Variants in ARB2A observed in about 807,000 individuals in gnomAD.
ARB2A encodes the protein ARB2 cotranscriptional regulator A, also known as cotranscriptional regulator ARB2A.
At chr5:93,977,828 C>A in the ARB2A span, among the ~76,000 whole-genome samples, 2 of 152,100 alleles carry the variant, frequency 1.3e-5, no homozygotes, top group Non-Finnish European at 2.9e-5. Context: ...AGTTAACTGA[C>A]AATCTATAGA....
At chr5:93,620,925 A>C in the ARB2A span, 4 of 1,583,636 alleles carry the variant, frequency 2.5e-6, no homozygotes, top group Non-Finnish European at 3.4e-6. Flanking sequence ...GCTCGACACA[A>C]GCAGTGAGGA....
At chr5:93,803,937 G>C in the ARB2A span, among the ~76,000 whole-genome samples, 3 of 151,912 alleles carry the variant, frequency 2.0e-5, no homozygotes, top group Admixed American at 2.0e-4. Flanking sequence ...TTTGTACACA[G>C]CCGGAGAGAA....
chr5:93,951,724 A>G, the ARB2A span, among the ~76,000 whole-genome samples: 2 of 152,168 alleles, frequency 1.3e-5, no homozygotes, highest in South Asian at 4.1e-4. Context: ...TGGTTACTAT[A>G]GCTCTATGAT....
chr5:94,052,850 A>G, the ARB2A span, among the ~76,000 whole-genome samples: 1 of 152,206 alleles, frequency 6.6e-6, no homozygotes, highest in South Asian at 2.1e-4. Context: ...GTTGAAATGC[A>G]TAAGCTGAAT....
the ARB2A span, among the ~76,000 whole-genome samples, chr5:93,975,563 G>T: frequency 2.6e-5 from 4 of 151,910 alleles, no homozygotes; most frequent in African/African-American, 4.8e-5. Context: ...GATTAACAAA[G>T]AAATAAATCT....
chr5:93,705,212 T>A, the ARB2A span, among the ~76,000 whole-genome samples: 2 of 152,196 alleles, frequency 1.3e-5, no homozygotes, highest in Non-Finnish European at 2.9e-5. Context: ...TTTGGCTTAA[T>A]TCCAAGCACA....
the ARB2A span, among the ~76,000 whole-genome samples, chr5:94,020,338 T>C: frequency 1.3e-5 from 2 of 152,062 alleles, no homozygotes; most frequent in Non-Finnish European, 2.9e-5. Context: ...GACAGGTTGA[T>C]GCGTGCAGCA....
the ARB2A span, among the ~76,000 whole-genome samples, chr5:94,090,203 A>G: frequency 6.6e-6 from 1 of 152,136 alleles, no homozygotes; most frequent in Non-Finnish European, 1.5e-5. Context: ...TATTTCCTTG[A>G]GCAGTGGTTT....
the ARB2A span, among the ~76,000 whole-genome samples, chr5:94,082,798 G>A: frequency 2.0e-5 from 3 of 151,854 alleles, no homozygotes; most frequent in Non-Finnish European, 4.4e-5. Flanking sequence ...CACATGCTGA[G>A]ACCAGCAGGA....
At chr5:94,081,913 G>A in the ARB2A span, among the ~76,000 whole-genome samples, 18 of 151,352 alleles carry the variant, frequency 1.2e-4, no homozygotes, top group African/African-American at 3.4e-4. Context: ...TTCCCTTTAC[G>A]TTCTATAAAA....
the ARB2A span, among the ~76,000 whole-genome samples, chr5:93,814,189 C>T: frequency 6.6e-6 from 1 of 152,182 alleles, no homozygotes; most frequent in East Asian, 1.9e-4. Flanking sequence ...CATTTGAGAT[C>T]TGGTCCTGAT....
the ARB2A span, among the ~76,000 whole-genome samples, chr5:93,780,435 T>C: frequency 6.6e-6 from 1 of 152,206 alleles, no homozygotes; most frequent in East Asian, 1.9e-4. Context: ...TGGCTTAGCA[T>C]CTATGCGTGG....
chr5:93,677,693 CTG>C, the ARB2A span, among the ~76,000 whole-genome samples: 1 of 152,214 alleles, frequency 6.6e-6, no homozygotes, highest in Admixed American at 6.5e-5. Context: ...CAAAAATAAA[CTG>C]TTAATGATGT....
chr5:93,703,910 A>G, the ARB2A span, among the ~76,000 whole-genome samples: 2 of 152,146 alleles, frequency 1.3e-5, no homozygotes, highest in Non-Finnish European at 2.9e-5. Flanking sequence ...ACAGCACCCT[A>G]TCAGCAGCTC....
chr5:93,756,981 T>C, the ARB2A span, among the ~76,000 whole-genome samples: 3 of 151,802 alleles, frequency 2.0e-5, no homozygotes, highest in Non-Finnish European at 2.9e-5. Context: ...AAAAATGATA[T>C]AAGAAGTGAA....
chr5:93,938,399 G>A, the ARB2A span, among the ~76,000 whole-genome samples: 1 of 151,788 alleles, frequency 6.6e-6, no homozygotes, highest in Non-Finnish European at 1.5e-5. Context: ...AAAATTATTG[G>A]GTCACTATTT....
chr5:93,789,093 C>T, the ARB2A span, among the ~76,000 whole-genome samples: 1 of 152,070 alleles, frequency 6.6e-6, no homozygotes, highest in South Asian at 2.1e-4. Flanking sequence ...TTGGATATAT[C>T]ACATGTTTCA....
the ARB2A span, among the ~76,000 whole-genome samples, chr5:93,874,970 G>A: frequency 3.8e-4 from 58 of 152,276 alleles, no homozygotes; most frequent in East Asian, 8.9e-3. Flanking sequence ...CAGATGCTAT[G>A]TTTGCTTTAC....
At chr5:93,753,435 G>A in the ARB2A span, among the ~76,000 whole-genome samples, 1 of 152,138 alleles carries the variant, frequency 6.6e-6, no homozygotes, top group African/African-American at 2.4e-5. Flanking sequence ...TACATTAGCA[G>A]GTTGTCTACA....
Sources: allele counts gnomAD v4.1 joint callset (sites outside exome capture counted in the v4.1 genomes callset), GRCh38; gene constraint gnomAD v4.1.1; transcripts MANE v1.5; gene names NCBI Gene and HGNC (gene_info 2026-07-23, HGNC 2026-07-21).